PCDH15: variants seen among roughly 807,000 people sequenced by gnomAD.
PCDH15 encodes protocadherin related 15.
In PCDH15, 129 loss-of-function variants were observed where a neutral mutation model predicts 178.5. The ratio of observed to expected loss-of-function variants is 0.72; its 90% CI spans 0.63 to 0.84. PCDH15 has a LOEUF of 0.84. Among genes scored for constraint, PCDH15 ranks in the 40% least tolerant of loss-of-function variants. The pLI is 0.00. For missense variants in PCDH15, 2,230 were observed against 2,099.9 expected, an observed-to-expected ratio of 1.06 and a Z score of -1.21; for synonymous variants, 800 against 732.0, an observed-to-expected ratio of 1.09 and a Z score of -1.50.
At chr10:55,084,794 CA>C (rs1842125938) in intron 2 of PCDH15, among the ~76,000 whole-genome samples, 1 of 151,960 alleles carries the variant, frequency 6.6e-6, no homozygotes, top group Non-Finnish European at 1.5e-5. Flanking sequence ...CAAAAGAAGA[CA>C]TACAAATGGC....
At chr10:54,834,380 C>A (rs992716390) in intron 3 of PCDH15, among the ~76,000 whole-genome samples, 1 of 151,568 alleles carries the variant, frequency 6.6e-6, no homozygotes, top group South Asian at 2.1e-4. Flanking sequence ...GGTTTTGCCA[C>A]GTTGGTCAGG....
chr10:54,196,959 A>G (rs2049733942), intron 10 of PCDH15, among the ~76,000 whole-genome samples: 1 of 152,188 alleles, frequency 6.6e-6, no homozygotes, highest in South Asian at 2.1e-4. Flanking sequence ...TAAGCCATCC[A>G]GTTTATGGTG....
At chr10:55,394,350 T>C (rs1458991036) in intron 2 of PCDH15, among the ~76,000 whole-genome samples, 2 of 152,130 alleles carry the variant, frequency 1.3e-5, no homozygotes, top group African/African-American at 2.4e-5. Context: ...TTTTTATTTC[T>C]GAAGTCTATT....
chr10:55,487,468 T>C (rs1230052486), intron 2 of PCDH15, among the ~76,000 whole-genome samples: 2 of 151,690 alleles, frequency 1.3e-5, no homozygotes, highest in Non-Finnish European at 3.0e-5. Context: ...ATTTCCTTTG[T>C]GTGTTTATTT....
intron 1 of PCDH15, among the ~76,000 whole-genome samples, chr10:55,229,483 C>T (rs1309096451): frequency 2.0e-5 from 3 of 151,620 alleles, no homozygotes; most frequent in Non-Finnish European, 4.4e-5. Flanking sequence ...GCAAATTTCT[C>T]GGTATGTATA....
intron 2 of PCDH15, among the ~76,000 whole-genome samples, chr10:54,617,881 C>T (rs1167318395): frequency 1.3e-5 from 2 of 150,156 alleles, no homozygotes; most frequent in African/African-American, 4.9e-5. Flanking sequence ...GCTGAGATCG[C>T]CACTGCAGTC....
At chr10:54,664,549 CTAATAA>C (rs1442131654) in intron 1 of PCDH15, among the ~76,000 whole-genome samples, 4 of 151,942 alleles carry the variant, frequency 2.6e-5, no homozygotes, top group Non-Finnish European at 4.4e-5. Context: ...AGTTAACATA[CTAATAA>C]TATCAGAAGC....
intron 1 of PCDH15, among the ~76,000 whole-genome samples, chr10:55,167,869 A>T (rs1302543246): frequency 1.3e-5 from 2 of 152,146 alleles, no homozygotes; most frequent in Non-Finnish European, 2.9e-5. Flanking sequence ...TTCTAAGGTG[A>T]ACTACATTAA....
intron 9 of PCDH15, among the ~76,000 whole-genome samples, chr10:54,235,685 T>C (rs113279943): frequency 0.027 from 4,086 of 152,280 alleles, 73 homozygotes; most frequent in South Asian, 0.077. Flanking sequence ...TAATGTTTTT[T>C]AGCCACAGAC....
At chr10:55,078,947 T>G (rs1841974718) in intron 2 of PCDH15, among the ~76,000 whole-genome samples, 1 of 152,182 alleles carries the variant, frequency 6.6e-6, no homozygotes, top group Admixed American at 6.6e-5. Context: ...TTCTATTCAA[T>G]GAGTTCTTCG....
intron 2 of PCDH15, among the ~76,000 whole-genome samples, chr10:55,518,576 C>T (rs1326658181): frequency 2.0e-5 from 3 of 151,970 alleles, no homozygotes; most frequent in African/African-American, 4.8e-5. Context: ...AAACTTCACC[C>T]TCATACAATG....
At chr10:55,179,065 C>A (rs1839570461) in intron 1 of PCDH15, among the ~76,000 whole-genome samples, 1 of 152,136 alleles carries the variant, frequency 6.6e-6, no homozygotes. Flanking sequence ...ATGGTTCATG[C>A]ATACTTAACC....
chr10:54,785,635 C>T (rs7071691), intron 1 of PCDH15, among the ~76,000 whole-genome samples: 40,402 of 151,758 alleles, frequency 0.27, 5,777 homozygotes, highest in African/African-American at 0.38. Context: ...GCAACATGAA[C>T]GCAAATGGCT....
At chr10:55,303,056 G>GTATAACC (rs1169406432) in intron 1 of PCDH15, among the ~76,000 whole-genome samples, 8 of 150,416 alleles carry the variant, frequency 5.3e-5, no homozygotes, top group Admixed American at 4.7e-4. Context: ...CTATAATAAG[G>GTATAACC]TTATAAGATA....
intron 27 of PCDH15, among the ~76,000 whole-genome samples, chr10:53,865,280 T>G (rs2079372074): frequency 6.6e-6 from 1 of 152,182 alleles, no homozygotes; most frequent in South Asian, 2.1e-4. Flanking sequence ...ATGTACTGCT[T>G]ATTATAATTG....
At chr10:55,301,419 T>C (rs576331963) in intron 1 of PCDH15, among the ~76,000 whole-genome samples, 2 of 152,130 alleles carry the variant, frequency 1.3e-5, no homozygotes, top group Non-Finnish European at 2.9e-5. Flanking sequence ...ATTACCTATT[T>C]CTGTATTTTT....
chr10:54,818,027 G>C (rs1315024806), intron 3 of PCDH15, among the ~76,000 whole-genome samples: 1 of 151,922 alleles, frequency 6.6e-6, no homozygotes, highest in Non-Finnish European at 1.5e-5. Flanking sequence ...ATAAAGCTTA[G>C]TACTTAGTAA....
chr10:54,706,342 C>A (rs916875728), intron 1 of PCDH15, among the ~76,000 whole-genome samples: 16 of 152,098 alleles, frequency 1.1e-4, no homozygotes, highest in Non-Finnish European at 2.2e-4. Context: ...TGTTAGAAAT[C>A]AAATATAAAG....
chr10:54,875,213 T>C (rs1954118636), intron 3 of PCDH15, among the ~76,000 whole-genome samples: 1 of 152,176 alleles, frequency 6.6e-6, no homozygotes, highest in East Asian at 1.9e-4. Context: ...CTGTGATCAC[T>C]GATCTTTGAT....
Sources: allele counts gnomAD v4.1 joint callset (sites outside exome capture counted in the v4.1 genomes callset), GRCh38; gene constraint gnomAD v4.1.1; transcripts MANE v1.5; gene names NCBI Gene and HGNC (gene_info 2026-07-23, HGNC 2026-07-21).